The following COL24A1 variants were observed in gnomAD, a reference collection of about 807,000 sequenced individuals.
COL24A1 encodes the protein collagen type XXIV alpha 1 chain, also known as collagen alpha-1(XXIV) chain.
In COL24A1, 224 loss-of-function variants were observed where a neutral mutation model predicts 253.9. That is an observed-to-expected ratio of 0.88 (90% confidence interval 0.79 to 0.99). The LOEUF is 0.99. Among genes scored for constraint, COL24A1 ranks in the 50% least tolerant of loss-of-function variants. COL24A1 has a pLI of 0.00. For synonymous variants in COL24A1, 685 were observed against 673.7 expected (o/e 1.02, Z -0.26); for missense variants, 2,131 against 2,068.5 (o/e 1.03, Z -0.59).
Position 86,054,950 on chromosome 1 carries a change from A to G in COL24A1, c.1851+2981T>C, listed in dbSNP as rs1700563445. Among the ~76,000 whole-genome samples the G allele has an allele frequency of 2.0e-5, 3 of 152,204 alleles. No individual in the cohort carries two copies. In the South Asian group the frequency reaches 6.2e-4, roughly 32 times the overall value. On this transcript the variant is annotated intron_variant, in intron 10 of 59. Transcript: ENST00000370571. ...ATGTGGTACATATAGACCATGGAAT[A>G]CTACAGTGCCATAAAAATGAACAAA...
rs1000649604 is a variant in COL24A1 at position 86,079,325 on chromosome 1, T to A, written c.1707+9849A>T. 6.6e-5 allele frequency among the ~76,000 whole-genome samples: 10 copies of A among 152,120 alleles called. No homozygotes were observed. In the East Asian group the frequency reaches 1.5e-3, roughly 23 times the overall value. On this transcript the variant is annotated intron_variant, in intron 7 of 59. Transcript: ENST00000370571. ...ATTCAAAATAGATTAAAGACTTAAA[T>A]CTAAAACCTCAAACTATGAAACTAC... is the stretch of plus-strand genomic sequence containing the variant.
chr1:86,053,735 TG>T (rs374965940), intron 10 of COL24A1, among the ~76,000 whole-genome samples: 258 of 152,192 alleles, frequency 1.7e-3, no homozygotes, highest in African/African-American at 5.9e-3. Context: ...TTAAAAATTA[TG>T]ATGTGTTTTA....
At chr1:85,979,237 C>G (rs1027925382) in intron 20 of COL24A1, among the ~76,000 whole-genome samples, 2 of 151,982 alleles carry the variant, frequency 1.3e-5, no homozygotes, top group Non-Finnish European at 2.9e-5. Flanking sequence ...ATCAAAAAGT[C>G]TGAAAGAGCA....
intron 47 of COL24A1, among the ~76,000 whole-genome samples, chr1:85,801,464 T>C (rs1671424382): frequency 6.6e-6 from 1 of 152,206 alleles, no homozygotes; most frequent in East Asian, 1.9e-4. Flanking sequence ...ATTCCATAAG[T>C]GGTTGGGTTA....
intron 5 of COL24A1, among the ~76,000 whole-genome samples, chr1:86,104,936 C>G (rs999862872): frequency 2.0e-5 from 3 of 152,216 alleles, no homozygotes; most frequent in Non-Finnish European, 4.4e-5. Flanking sequence ...ACAGCAGTGG[C>G]AGAGGTAGCA....
intron 57 of COL24A1, among the ~76,000 whole-genome samples, chr1:85,743,841 GT>G (rs1664906473): frequency 6.6e-6 from 1 of 152,082 alleles, no homozygotes; most frequent in African/African-American, 2.4e-5. Flanking sequence ...CAAAATGAAT[GT>G]TTTCATTGAA....
intron 2 of COL24A1, among the ~76,000 whole-genome samples, chr1:86,131,629 G>A (rs1649220009): frequency 1.3e-5 from 2 of 151,008 alleles, no homozygotes; most frequent in Admixed American, 6.6e-5. Context: ...TTTTGTCCTT[G>A]TGATAGTTTG....
At chr1:85,875,683 C>T (rs1034326543) in intron 33 of COL24A1, among the ~76,000 whole-genome samples, 1 of 149,514 alleles carries the variant, frequency 6.7e-6, no homozygotes, top group African/African-American at 2.5e-5. Flanking sequence ...AAATATCATG[C>T]AAATAAGAGA....
intron 35 of COL24A1, among the ~76,000 whole-genome samples, chr1:85,872,375 C>T (rs530749233): frequency 6.6e-6 from 1 of 152,266 alleles, no homozygotes; most frequent in Admixed American, 6.5e-5. Flanking sequence ...AAAAAAGAGC[C>T]TGCATTACCA....
At position 85,918,391 on chromosome 1, in the gene COL24A1, C is replaced by A. The variant is rs182173165; in HGVS notation, c.2563-6958G>T. On this transcript the variant is annotated intron_variant, in intron 24 of 59. Transcript: ENST00000370571. ...CTTACCCACCTATTGGTTTATGGTG[C>A]CATTCTTGTCTTATACATGGCTTAT... 2.0e-3 allele frequency among the ~76,000 whole-genome samples: 311 copies of A among 152,190 alleles called. 10 individuals are homozygous for A. The South Asian group carries it at 0.052, about 26-fold the overall frequency.
At chr1:85,864,942 G>C (rs1472972059) in intron 37 of COL24A1, among the ~76,000 whole-genome samples, 1 of 152,110 alleles carries the variant, frequency 6.6e-6, no homozygotes, top group Non-Finnish European at 1.5e-5. Flanking sequence ...TTTCCTTTCA[G>C]ATGCTTCCCA....
intron 18 of COL24A1, among the ~76,000 whole-genome samples, chr1:86,018,439 A>G (rs1444731411): frequency 6.6e-6 from 1 of 152,198 alleles, no homozygotes; most frequent in Non-Finnish European, 1.5e-5. Flanking sequence ...TTAAAATGAC[A>G]AGCATCTCTC....
At chr1:86,095,999 C>T (rs1055769093) in intron 5 of COL24A1, among the ~76,000 whole-genome samples, 1 of 151,960 alleles carries the variant, frequency 6.6e-6, no homozygotes, top group Admixed American at 6.6e-5. Context: ...AGCATCTGCT[C>T]AATATAATTG....
At chr1:85,862,224 T>G (rs1316591078) in intron 37 of COL24A1, among the ~76,000 whole-genome samples, 1 of 152,208 alleles carries the variant, frequency 6.6e-6, no homozygotes, top group African/African-American at 2.4e-5. Flanking sequence ...ATCAGGAAAC[T>G]TGGTAGTCTT....
intron 7 of COL24A1, among the ~76,000 whole-genome samples, chr1:86,065,590 C>T (rs1701409850): frequency 6.6e-6 from 1 of 151,968 alleles, no homozygotes; most frequent in Non-Finnish European, 1.5e-5. Flanking sequence ...CAATATAAGT[C>T]AGGCCAGTAG....
chr1:85,970,092 G>T, intron 22 of COL24A1, 135 bp downstream of exon 22: 3 of 719,992 alleles, frequency 4.2e-6, no homozygotes, highest in South Asian at 3.0e-5. Flanking sequence ...ATTTTATTTT[G>T]GGGCATTTTA....
chr1:85,895,767 C>CA (rs1430128034), intron 31 of COL24A1, 91 bp downstream of exon 31: 3 of 1,033,138 alleles, frequency 2.9e-6, no homozygotes, highest in South Asian at 1.5e-5. Flanking sequence ...TTTTATGTGT[C>CA]AAAAAATCCC....
At chr1:85,788,669 T>C (rs1351431275) in intron 47 of COL24A1, among the ~76,000 whole-genome samples, 1 of 152,208 alleles carries the variant, frequency 6.6e-6, no homozygotes, top group Non-Finnish European at 1.5e-5. Flanking sequence ...TTGCCTAGAT[T>C]TTCTTCTAGG....
At chr1:86,076,755 T>C (rs1702282353) in intron 7 of COL24A1, among the ~76,000 whole-genome samples, 1 of 152,226 alleles carries the variant, frequency 6.6e-6, no homozygotes, top group African/African-American at 2.4e-5. Context: ...AGATTCCCTA[T>C]TTAATAAATG....
Sources: gnomAD v4.1 joint callset for allele counts (sites outside exome capture counted in the v4.1 genomes callset) on GRCh38, gnomAD v4.1.1 for gene constraint, MANE v1.5 for transcripts, NCBI Gene and HGNC (gene_info 2026-07-23, HGNC 2026-07-21) for gene names.